Variants in ANGPT1 observed in about 807,000 individuals in gnomAD.
ANGPT1 encodes angiopoietin-1.
Under a neutral mutation model 62.2 loss-of-function variants are expected in ANGPT1, and 17 were observed. That is an observed-to-expected ratio of 0.27 (90% confidence interval 0.19 to 0.41). The LOEUF (loss-of-function observed/expected upper bound fraction) is 0.41, where lower values mean the gene tolerates loss of function less well. Among genes scored for constraint, ANGPT1 ranks in the 10% least tolerant of loss-of-function variants. ANGPT1 has a pLI of 1.00. For synonymous variants in ANGPT1, 199 were observed against 198.9 expected, an observed-to-expected ratio of 1.00 and a Z score of 0.00; for missense variants, 478 against 594.9, an observed-to-expected ratio of 0.80 and a Z score of 2.04.
intron 5 of ANGPT1, among the ~76,000 whole-genome samples, chr8:107,302,569 T>C (rs4133396): frequency 0.6 from 91,562 of 151,782 alleles, 28,579 homozygotes; most frequent in African/African-American, 0.78. Context: ...AAATGCATGA[T>C]ATCCACTTAA....
intron 1 of ANGPT1, among the ~76,000 whole-genome samples, chr8:107,434,885 G>A (rs1811293309): frequency 1.3e-5 from 2 of 152,256 alleles, no homozygotes; most frequent in Non-Finnish European, 2.9e-5. Flanking sequence ...TTTAGAAATA[G>A]TTAATGACTA....
chr8:107,491,847 A>G (rs1812965578), intron 1 of ANGPT1, among the ~76,000 whole-genome samples: 1 of 152,158 alleles, frequency 6.6e-6, no homozygotes. Context: ...TTAAGCCAAT[A>G]CCTTTATATG....
chr8:107,369,722 G>C (rs1427447039), intron 1 of ANGPT1, among the ~76,000 whole-genome samples: 2 of 151,552 alleles, frequency 1.3e-5, no homozygotes, highest in African/African-American at 4.9e-5. Context: ...TTGAGAGGGA[G>C]AGAGATGAGG....
At position 107,311,102 on chromosome 8, in the gene ANGPT1, G is replaced by C. The variant is rs114548310; in HGVS notation, c.809-7735C>G. Reference sequence around the variant, plus strand: ...TGGATCATTGAAAGTATGTGTGTGTGTGTCTGTGTTCATCTTCTAGTATCA... The same window carrying C: ...TGGATCATTGAAAGTATGTGTGTGTCTGTCTGTGTTCATCTTCTAGTATCA... On this transcript the variant is annotated intron_variant, in intron 4 of 8. Coordinates refer to ENST00000517746, the MANE Select transcript of ANGPT1 (RefSeq NM_001146.5). 2.6e-3 allele frequency among the ~76,000 whole-genome samples: 396 copies of C among 152,042 alleles called. 3 individuals carry two copies. The highest frequency in any genetic ancestry group is 9.1e-3 in the African/African-American group (379 of 41,432).
chr8:107,493,869 C>A (rs1426334028), intron 1 of ANGPT1, among the ~76,000 whole-genome samples: 2 of 150,224 alleles, frequency 1.3e-5, no homozygotes, highest in African/African-American at 2.5e-5. Context: ...TGGGTAATAG[C>A]ATTTCAAATC....
chr8:107,429,516 G>C (rs1412665099), intron 1 of ANGPT1, among the ~76,000 whole-genome samples: 1 of 152,150 alleles, frequency 6.6e-6, no homozygotes. Flanking sequence ...CTTTCTGAGA[G>C]ATGTTTGTTA....
chr8:107,325,750 CT>C (rs1328373142), intron 3 of ANGPT1, among the ~76,000 whole-genome samples: 2 of 151,506 alleles, frequency 1.3e-5, no homozygotes, highest in South Asian at 2.1e-4. Context: ...AGACATAATA[CT>C]TTTTTTTTAA....
chr8:107,414,671 T>C (rs907614751), intron 1 of ANGPT1, among the ~76,000 whole-genome samples: 3 of 152,164 alleles, frequency 2.0e-5, no homozygotes, highest in African/African-American at 7.2e-5. Flanking sequence ...CTTGTTAAGA[T>C]TGTCTGAACT....
chr8:107,445,035 C>T (rs1811579582), intron 1 of ANGPT1, among the ~76,000 whole-genome samples: 1 of 152,080 alleles, frequency 6.6e-6, no homozygotes, highest in African/African-American at 2.4e-5. Flanking sequence ...CGCACTTCAC[C>T]CTGAAGGGGG....
chr8:107,376,785 T>G (rs1310222213), intron 1 of ANGPT1, among the ~76,000 whole-genome samples: 1 of 152,158 alleles, frequency 6.6e-6, no homozygotes, highest in African/African-American at 2.4e-5. Context: ...TTCCAAAATT[T>G]TTACATATCT....
At chr8:107,252,042 GAGA>G (rs1813259116) in intron 8 of ANGPT1, 27 bp from the exon 9 acceptor site, 7 of 1,594,136 alleles carry the variant, frequency 4.4e-6, no homozygotes, top group South Asian at 3.4e-5. Context: ...TAATAGAAGA[GAGA>G]AGGAGAGGCA....
chr8:107,366,963 T>A (rs533549312), intron 1 of ANGPT1, among the ~76,000 whole-genome samples: 2 of 152,090 alleles, frequency 1.3e-5, no homozygotes, highest in Non-Finnish European at 2.9e-5. Flanking sequence ...GAGACCCACA[T>A]GGTGAGAAAC....
intron 1 of ANGPT1, among the ~76,000 whole-genome samples, chr8:107,351,720 A>C (rs1322473347): frequency 6.6e-6 from 1 of 152,016 alleles, no homozygotes; most frequent in Non-Finnish European, 1.5e-5. Flanking sequence ...TGGAAAGTTT[A>C]TTTGCCAGTA....
chr8:107,349,478 TG>T (rs1186676572), intron 1 of ANGPT1, among the ~76,000 whole-genome samples: 4 of 152,194 alleles, frequency 2.6e-5, no homozygotes, highest in African/African-American at 9.6e-5. Flanking sequence ...AGGTTATACA[TG>T]AGTGTAAGTT....
At chr8:107,307,528 C>T (rs1406852470) in intron 4 of ANGPT1, among the ~76,000 whole-genome samples, 1 of 152,030 alleles carries the variant, frequency 6.6e-6, no homozygotes, top group East Asian at 1.9e-4. Flanking sequence ...TATGTCTCCT[C>T]CACTCCCTTC....
rs267601708 is a variant in ANGPT1 at position 107,497,541 on chromosome 8, G to A, written c.18C>T (p.Ser6=). 6.2e-7 allele frequency: 1 copy of A among 1,613,908 alleles called. No homozygotes were observed. Among genetic ancestry groups the A allele is most frequent in the African/African-American group, 1.3e-5 (1 of 75,024 alleles). Residue 6 remains serine, a synonymous_variant, in exon 1 of 9, where the codon TCC becomes TCT. Transcript: ENST00000517746. ...TCAGAATGGCAGCGAGGAAAGCAAA[G>A]GAAAGGAAAACTGTCATTGTACTGC... MTVFL[S]FAFLAAILTH... is the part of the protein sequence containing the mutation.
chr8:107,314,802 C>T (rs1420751155), intron 4 of ANGPT1, among the ~76,000 whole-genome samples: 2 of 152,140 alleles, frequency 1.3e-5, no homozygotes, highest in African/African-American at 4.8e-5. Context: ...AAGTATTTTA[C>T]CCAGTCAACG....
intron 1 of ANGPT1, among the ~76,000 whole-genome samples, chr8:107,464,050 A>G (rs1812139326): frequency 2.0e-5 from 3 of 152,176 alleles, no homozygotes; most frequent in Middle Eastern, 3.2e-3. Context: ...CGTGAGAGCC[A>G]ATTTAGTGTG....
chr8:107,492,545 C>T (rs1388692599), intron 1 of ANGPT1, among the ~76,000 whole-genome samples: 9 of 152,162 alleles, frequency 5.9e-5, no homozygotes, highest in Admixed American at 5.9e-4. Flanking sequence ...CCATGTTGGC[C>T]AGGCTGGTCT....
Sources: gnomAD v4.1 joint callset for allele counts (sites outside exome capture counted in the v4.1 genomes callset) on GRCh38, gnomAD v4.1.1 for gene constraint, MANE v1.5 for transcripts, NCBI Gene and HGNC (gene_info 2026-07-23, HGNC 2026-07-21) for gene names.